The following PHF21A variants were observed in gnomAD, a reference collection of about 807,000 sequenced individuals.
The protein encoded by PHF21A is BHC80a.
A neutral mutation model predicts 82.5 loss-of-function variants in PHF21A; 11 were observed. The ratio of observed to expected loss-of-function variants is 0.13; its 90% CI spans 0.08 to 0.22. The LOEUF is 0.22. PHF21A is among the 10% of genes least tolerant of loss of function. The pLI, the probability that PHF21A is intolerant of heterozygous loss-of-function variation, is 1.00. For synonymous variants in PHF21A, 297 were observed against 302.8 expected, an observed-to-expected ratio of 0.98 and a Z score of 0.20; for missense variants, 579 against 837.8, an observed-to-expected ratio of 0.69 and a Z score of 3.81.
At chr11:46,004,923 CAG>C (rs2095256712) in intron 6 of PHF21A, among the ~76,000 whole-genome samples, 1 of 152,144 alleles carries the variant, frequency 6.6e-6, no homozygotes. Context: ...CACAGGGAAA[CAG>C]ATAAGCACTA....
chr11:45,946,550 T>A (rs2091330297), intron 14 of PHF21A, among the ~76,000 whole-genome samples: 1 of 152,124 alleles, frequency 6.6e-6, no homozygotes, highest in Non-Finnish European at 1.5e-5. Context: ...TAATTTTTTG[T>A]ATTTTTAGCA....
chr11:45,945,747 A>C (rs2091190399), intron 15 of PHF21A, 93 bp downstream of exon 15: 7 of 1,060,334 alleles, frequency 6.6e-6, no homozygotes, highest in Non-Finnish European at 9.5e-6. Context: ...GGGTTAGTCA[A>C]GAAGGTGCAA....
chr11:46,072,851 T>G (rs2134791777), intron 6 of PHF21A, among the ~76,000 whole-genome samples: 1 of 152,184 alleles, frequency 6.6e-6, no homozygotes, highest in South Asian at 2.1e-4. Flanking sequence ...AGCACCACAG[T>G]AACAAGCAAC....
intron 6 of PHF21A, among the ~76,000 whole-genome samples, chr11:46,006,295 G>A (rs1472554552): frequency 2.0e-5 from 3 of 152,060 alleles, no homozygotes; most frequent in Non-Finnish European, 4.4e-5. Flanking sequence ...TTTTAATAGG[G>A]CAAAAAACCA....
At chr11:46,032,396 A>G (rs1025766187) in intron 6 of PHF21A, among the ~76,000 whole-genome samples, 1 of 152,190 alleles carries the variant, frequency 6.6e-6, no homozygotes, top group Admixed American at 6.5e-5. Context: ...TTATTTAATA[A>G]TATGTCACGA....
intron 6 of PHF21A, among the ~76,000 whole-genome samples, chr11:46,010,684 C>A (rs190284754): frequency 2.0e-5 from 3 of 152,112 alleles, no homozygotes; most frequent in South Asian, 2.1e-4. Flanking sequence ...TCTAAGCCAG[C>A]GTGCAAAGCC....
At chr11:46,039,009 G>C (rs1308239141) in intron 6 of PHF21A, among the ~76,000 whole-genome samples, 2 of 152,144 alleles carry the variant, frequency 1.3e-5, no homozygotes, top group Non-Finnish European at 2.9e-5. Context: ...AGTTTGACAT[G>C]AACAGAGAAC....
intron 1 of PHF21A, among the ~76,000 whole-genome samples, chr11:46,109,962 C>T (rs566197379): frequency 7.1e-6 from 1 of 140,726 alleles, no homozygotes; most frequent in Non-Finnish European, 1.5e-5. Context: ...GCCTGGGCAA[C>T]AGGGCAAGAC....
At chr11:46,068,462 C>G (rs549607056) in intron 6 of PHF21A, among the ~76,000 whole-genome samples, 1 of 152,068 alleles carries the variant, frequency 6.6e-6, no homozygotes, top group Non-Finnish European at 1.5e-5. Flanking sequence ...AAAAAGCATT[C>G]GTTATTCACA....
At chr11:46,073,532 T>A (rs1037429058) in intron 6 of PHF21A, among the ~76,000 whole-genome samples, 1 of 152,142 alleles carries the variant, frequency 6.6e-6, no homozygotes, top group Non-Finnish European at 1.5e-5. Context: ...TTAGAAAATA[T>A]ACATAAGAGT....
chr11:46,106,974 T>C (rs929326352), intron 1 of PHF21A, among the ~76,000 whole-genome samples: 1 of 152,164 alleles, frequency 6.6e-6, no homozygotes, highest in African/African-American at 2.4e-5. Flanking sequence ...TCACTCCAAC[T>C]TAAAAGTCCC....
At chr11:46,071,306 ATTT>A in intron 6 of PHF21A, among the ~76,000 whole-genome samples, 1 of 152,322 alleles carries the variant, frequency 6.6e-6, no homozygotes, top group East Asian at 1.9e-4. Flanking sequence ...GAATAAACAC[ATTT>A]AGAGTAGACC....
At chr11:46,019,768 G>A (rs1456307987) in intron 6 of PHF21A, among the ~76,000 whole-genome samples, 1 of 152,108 alleles carries the variant, frequency 6.6e-6, no homozygotes, top group Admixed American at 6.6e-5. Context: ...TTAAACAGTA[G>A]CTCTGCTCTA....
intron 1 of PHF21A, among the ~76,000 whole-genome samples, chr11:46,100,653 G>T (rs1227442187): frequency 6.6e-6 from 1 of 152,030 alleles, no homozygotes; most frequent in Admixed American, 6.5e-5. Context: ...AATGCACAGG[G>T]GTTTACATGC....
At chr11:46,049,898 G>C (rs1488047381) in intron 6 of PHF21A, among the ~76,000 whole-genome samples, 2 of 152,152 alleles carry the variant, frequency 1.3e-5, no homozygotes, top group Non-Finnish European at 2.9e-5. Context: ...AGAATCAAGA[G>C]ATTAAGTACT....
chr11:46,015,110 AT>A (rs1052450517), intron 6 of PHF21A, among the ~76,000 whole-genome samples: 3 of 152,038 alleles, frequency 2.0e-5, no homozygotes, highest in African/African-American at 7.2e-5. Flanking sequence ...AATGTTGAGC[AT>A]TTTTTCATGT....
intron 6 of PHF21A, among the ~76,000 whole-genome samples, chr11:46,018,969 C>T (rs1470373270): frequency 6.6e-6 from 1 of 152,068 alleles, no homozygotes; most frequent in Non-Finnish European, 1.5e-5. Flanking sequence ...AGAACACACA[C>T]ATCATGTAAG....
chr11:46,081,457 T>C (rs1005939308), intron 4 of PHF21A, among the ~76,000 whole-genome samples: 1 of 152,254 alleles, frequency 6.6e-6, no homozygotes, highest in Non-Finnish European at 1.5e-5. Flanking sequence ...TGTAACGTTT[T>C]AGAAGCTGAA....
intron 6 of PHF21A, among the ~76,000 whole-genome samples, chr11:46,062,432 C>T (rs550520708): frequency 3.5e-4 from 53 of 152,096 alleles, no homozygotes; most frequent in African/African-American, 1.2e-3. Flanking sequence ...GAAACAACTC[C>T]AATTTTGTTT....
Sources: gnomAD v4.1 joint callset for allele counts (sites outside exome capture counted in the v4.1 genomes callset) on GRCh38, gnomAD v4.1.1 for gene constraint, MANE v1.5 for transcripts, NCBI Gene and HGNC (gene_info 2026-07-23, HGNC 2026-07-21) for gene names.